Variants in DOCK8 observed in about 807,000 individuals in gnomAD.
DOCK8 encodes dedicator of cytokinesis protein 8.
DOCK8 carries 141 observed loss-of-function variants against 245.6 expected under a neutral mutation model. The ratio of observed to expected loss-of-function variants is 0.57; its 90% CI spans 0.50 to 0.66. The LOEUF (loss-of-function observed/expected upper bound fraction) is 0.66. Ranked by LOEUF, DOCK8 falls within the 30% of genes least tolerant of loss-of-function variation. The pLI is 0.00. For synonymous variants in DOCK8, 1,168 were observed against 970.2 expected (o/e 1.20, Z -3.79); for missense variants, 2,965 against 2,603.4 (o/e 1.14, Z -3.02).
At chr9:215,717 C>A (rs902388859) in intron 1 of DOCK8, 32 of 297,526 alleles carry the variant, frequency 1.1e-4, no homozygotes, top group Non-Finnish European at 1.8e-4. Context: ...GATCCCAACT[C>A]ACCATCCAAT....
chr9:392,558 C>T (rs1224765511), intron 24 of DOCK8, among the ~76,000 whole-genome samples: 3 of 152,154 alleles, frequency 2.0e-5, no homozygotes, highest in African/African-American at 4.8e-5. Context: ...TCTCAGGTGA[C>T]TTCTAAGCCT....
rs777525499 is a variant in DOCK8 at position 404,985 on chromosome 9, G to A, written c.3302G>A (p.Cys1101Tyr). 30 of 1,613,914 alleles carry A rather than the reference G, an allele frequency of 1.9e-5. No individual in the cohort carries two copies. Among genetic ancestry groups the A allele is most frequent in the Non-Finnish European group, 2.5e-5 (29 of 1,179,940 alleles). The change falls in exon 27 of 48, where the codon TGT (cysteine) becomes TAT (tyrosine). Residue 1101 changes from cysteine to tyrosine, a missense_variant. Cys to Tyr is a radical substitution (Grantham distance 194). This residue lies in a region of DOCK8 where 2,825 missense variants were observed against 2,453.5 expected (regional missense o/e 1.15). Coordinates refer to ENST00000432829, the MANE Select transcript of DOCK8 (RefSeq NM_203447.4). ...SMRLEFLRIL[C>Y]SHEHYLNLNL... Reference sequence around the variant, plus strand: ...AGGCTAGAGTTCCTGAGAATCCTCTGTAGCCATGAGCATTACCTCAATCTG... The same window carrying A: ...AGGCTAGAGTTCCTGAGAATCCTCTATAGCCATGAGCATTACCTCAATCTG...
intron 14 of DOCK8, among the ~76,000 whole-genome samples, chr9:347,603 A>C (rs980933350): frequency 6.6e-6 from 1 of 152,228 alleles, no homozygotes; most frequent in Non-Finnish European, 1.5e-5. Context: ...ATGGAACAGA[A>C]GCTTTTATAA....
At position 398,110 on chromosome 9, in the gene DOCK8, A is replaced by G. The variant is rs2054547777; in HGVS notation, c.3121-1036A>G. 3.3e-5 allele frequency among the ~76,000 whole-genome samples: 5 copies of G among 152,328 alleles called. 1 individual carries two copies. The highest frequency in any genetic ancestry group is 2.6e-4 in the Admixed American group (4 of 15,304). The stretch of plus-strand genomic sequence containing the variant: ...TATTCCTCATGGCAAACTTTGTTGG[A>G]ACAGCATGGTATCTCCACATTGGCA... On this transcript the variant is annotated intron_variant, in intron 25 of 47. Transcript: ENST00000432829.
chr9:317,149 T>G (rs1333281122), intron 7 of DOCK8, 21 bp downstream of exon 7: 1 of 1,541,266 alleles, frequency 6.5e-7, no homozygotes, highest in Admixed American at 1.7e-5. Flanking sequence ...ACAAACACAC[T>G]GCCACCGCTT....
intron 4 of DOCK8, among the ~76,000 whole-genome samples, chr9:301,359 T>G (rs550047741): frequency 2.6e-5 from 4 of 152,280 alleles, no homozygotes; most frequent in African/African-American, 9.6e-5. Context: ...ATAAGAGCCA[T>G]CTATTATTCA....
chr9:426,030 C>T (rs1390411956), intron 33 of DOCK8, among the ~76,000 whole-genome samples: 2 of 152,070 alleles, frequency 1.3e-5, no homozygotes, highest in African/African-American at 4.8e-5. Context: ...ACCCCAACCC[C>T]ATGGTAACAT....
intron 13 of DOCK8, 101 bp from the exon 14 acceptor site, chr9:340,058 T>G: frequency 7.2e-7 from 1 of 1,387,668 alleles, no homozygotes; most frequent in Non-Finnish European, 1.0e-6. Flanking sequence ...TACTATAGTT[T>G]GTTCTTATTT....
intron 14 of DOCK8, among the ~76,000 whole-genome samples, chr9:352,944 C>G (rs7048884): frequency 0.49 from 74,575 of 151,838 alleles, 19,519 homozygotes; most frequent in East Asian, 0.79. Flanking sequence ...GATATCTTCC[C>G]TTTGAAAAAT....
intron 32 of DOCK8, among the ~76,000 whole-genome samples, 197 bp downstream of exon 32, chr9:421,275 A>G (rs1224214734): frequency 1.3e-5 from 2 of 152,206 alleles, no homozygotes; most frequent in African/African-American, 2.4e-5. Flanking sequence ...CTGTTCTACA[A>G]TTGTAGGAAC....
rs541689866 is a variant in DOCK8 at position 308,558 on chromosome 9, G to A, written c.529-3396G>A. Among the ~76,000 whole-genome samples the A allele has an allele frequency of 3.9e-5, 6 of 152,288 alleles. No individual in the cohort carries two copies. In the East Asian group the frequency reaches 9.6e-4, roughly 24 times the overall value. On this transcript the variant is annotated intron_variant, in intron 5 of 47. Coordinates refer to ENST00000432829, the MANE Select transcript of DOCK8 (RefSeq NM_203447.4). Reference sequence around the variant, plus strand: ...TATATGATAAGATTCCTTGGTACACGTAGATTTTATAAAAATTAGATTATA... The same window carrying A: ...TATATGATAAGATTCCTTGGTACACATAGATTTTATAAAAATTAGATTATA...
chr9:239,888 G>T (rs1314793070), intron 1 of DOCK8, among the ~76,000 whole-genome samples: 1 of 152,120 alleles, frequency 6.6e-6, no homozygotes, highest in Non-Finnish European at 1.5e-5. Context: ...TCTAATGAAT[G>T]CATAACATTC....
chr9:412,464 A>G (rs2055785435), intron 28 of DOCK8, among the ~76,000 whole-genome samples: 1 of 152,026 alleles, frequency 6.6e-6, no homozygotes, highest in African/African-American at 2.4e-5. Context: ...TTGGAAAAGA[A>G]GTAAAACTAT....
At chr9:432,722 C>T (rs905260113) in intron 37 of DOCK8, among the ~76,000 whole-genome samples, 8 of 152,058 alleles carry the variant, frequency 5.3e-5, no homozygotes, top group Non-Finnish European at 7.4e-5. Flanking sequence ...GGTAGGATTC[C>T]GCTAGGCAGG....
At chr9:241,982 C>T (rs1356512185) in intron 1 of DOCK8, among the ~76,000 whole-genome samples, 3 of 152,028 alleles carry the variant, frequency 2.0e-5, no homozygotes, top group Admixed American at 6.6e-5. Flanking sequence ...ACTGTTTCTC[C>T]ACAAAGAAGA....
In DOCK8 at chr9:232,680, G is replaced by A. The variant is rs185621531; in HGVS notation, c.53+17651G>A. Among the ~76,000 whole-genome samples, 1,408 of 152,234 alleles carry A rather than the reference G, an allele frequency of 9.2e-3. 26 individuals carry two copies. Among genetic ancestry groups the A allele is most frequent in the African/African-American group, 0.032 (1,341 of 41,522 alleles). On this transcript the variant is annotated intron_variant, in intron 1 of 47. Transcript: ENST00000432829. ...TTCTTCTAGATTTTCTAGTTTATTT[G>A]CAAAGAGGTGTTTATAGTATTCTCT...
Position 331,288 on chromosome 9 carries a change from G to A in DOCK8, c.1045-1110G>A, listed in dbSNP as rs1426752299. On this transcript the variant is annotated intron_variant, in intron 9 of 47. Transcript: ENST00000432829. ...AGTGTTACGTGCTTATGTTTTCAGT[G>A]TGGTGCATCTCTCAGTGGGATTCGC... Among the ~76,000 whole-genome samples, 6 of 152,186 alleles carry A rather than the reference G, an allele frequency of 3.9e-5. No homozygotes were observed. The East Asian group carries it at 9.6e-4, about 24-fold the overall frequency.
Position 379,892 on chromosome 9 carries a change from C to T in DOCK8, c.2562C>T (p.Tyr854=), listed in dbSNP as rs376592918. The change falls in exon 21 of 48, where the codon TAC becomes TAT. Residue 854 remains tyrosine (Y), a synonymous_variant. Coordinates refer to ENST00000432829, the MANE Select transcript of DOCK8 (RefSeq NM_203447.4). The part of the protein sequence containing the change: ...RNCLLASYVH[Y]VFRLPEVQRD... The stretch of plus-strand genomic sequence containing the variant: ...GCCTGCTGGCTTCCTACGTGCACTA[C>T]GTCTTCCGCCTGCCAGAGGTGCAAA... 70 of 1,614,030 alleles carry T rather than the reference C, an allele frequency of 4.3e-5. No homozygotes were observed. Among genetic ancestry groups the T allele is most frequent in the South Asian group, 2.0e-4 (18 of 91,082 alleles).
At chr9:275,381 A>G (rs1157025036) in intron 2 of DOCK8, among the ~76,000 whole-genome samples, 4 of 152,148 alleles carry the variant, frequency 2.6e-5, no homozygotes, top group African/African-American at 9.7e-5. Flanking sequence ...ACATGATGTG[A>G]TAGGAGGCAA....
Sources: allele counts gnomAD v4.1 joint callset (sites outside exome capture counted in the v4.1 genomes callset), GRCh38; gene constraint gnomAD v4.1.1; regional missense constraint gnomAD v4.1.1; transcripts MANE v1.5; gene names NCBI Gene and HGNC (gene_info 2026-07-23, HGNC 2026-07-21).